Variants in RBFOX1 observed in about 807,000 individuals in gnomAD.
RBFOX1 encodes the protein RNA binding fox-1 homolog 1.
A neutral mutation model predicts 57.7 loss-of-function variants in RBFOX1; 8 were observed. The ratio of observed to expected loss-of-function variants is 0.14; its 90% CI spans 0.08 to 0.25. RBFOX1 has a LOEUF of 0.25. Ranked by LOEUF, RBFOX1 falls within the 10% of genes least tolerant of loss-of-function variation. RBFOX1 has a pLI of 1.00. For missense variants in RBFOX1, 611 were observed against 548.5 expected, an observed-to-expected ratio of 1.11 and a Z score of -1.14; for synonymous variants, 326 against 222.4, an observed-to-expected ratio of 1.47 and a Z score of -4.15.
intron 3 of RBFOX1, among the ~76,000 whole-genome samples, chr16:6,727,414 G>GT (rs530822002): frequency 2.3e-3 from 354 of 151,892 alleles, no homozygotes; most frequent in African/African-American, 8.0e-3. Flanking sequence ...AATTGTTCCT[G>GT]GTTTTTTTTT....
chr16:5,898,271 G>T (rs1490464645), intron 4 of RBFOX1, among the ~76,000 whole-genome samples: 1 of 152,116 alleles, frequency 6.6e-6, no homozygotes, highest in Admixed American at 6.5e-5. Context: ...ATGACACGTG[G>T]GGTTTATGGG....
chr16:5,757,231 GTTTTTTT>G (rs562031050), intron 3 of RBFOX1, among the ~76,000 whole-genome samples: 1 of 127,050 alleles, frequency 7.9e-6, no homozygotes, highest in Non-Finnish European at 1.7e-5. Context: ...TGGTTTTTGT[GTTTTTTT>G]TTTTTTTTTT....
At chr16:6,958,458 C>A (rs1393848110) in intron 3 of RBFOX1, among the ~76,000 whole-genome samples, 1 of 152,060 alleles carries the variant, frequency 6.6e-6, no homozygotes, top group South Asian at 2.1e-4. Flanking sequence ...CTCGCAATTC[C>A]TCGGGATAAT....
At chr16:5,672,709 T>C (rs1446364296) in intron 3 of RBFOX1, among the ~76,000 whole-genome samples, 1 of 61,816 alleles carries the variant, frequency 1.6e-5, no homozygotes, top group Non-Finnish European at 4.5e-5. Flanking sequence ...GAGATAATGA[T>C]GTCAAGAGGA....
chr16:6,147,958 T>C (rs1252050725), intron 1 of RBFOX1, among the ~76,000 whole-genome samples: 1 of 152,208 alleles, frequency 6.6e-6, no homozygotes, highest in African/African-American at 2.4e-5. Context: ...TACAGCCTTC[T>C]CCTAAATTGA....
At chr16:6,452,779 G>T (rs2094663925) in intron 2 of RBFOX1, among the ~76,000 whole-genome samples, 2 of 152,128 alleles carry the variant, frequency 1.3e-5, no homozygotes, top group South Asian at 4.1e-4. Flanking sequence ...TATGTGACCT[G>T]GGTTAATAAT....
intron 4 of RBFOX1, among the ~76,000 whole-genome samples, chr16:5,937,829 A>G (rs1014568183): frequency 2.1e-4 from 31 of 150,738 alleles, no homozygotes; most frequent in African/African-American, 7.5e-4. Context: ...TGTTCATAGT[A>G]TACATACATA....
rs4786774 is a variant in RBFOX1, at chr16:5,762,347, G to T, written c.319-104956G>T. Among the ~76,000 whole-genome samples the T allele has an allele frequency of 4.5e-4, 56 of 124,852 alleles. 1 individual carries two copies. The East Asian group carries it at 0.012, about 26-fold the overall frequency. The allele number at this position is 124,852 out of a possible 152,430, so 81.9% of individuals were successfully genotyped here. On this transcript the variant is annotated intron_variant, in intron 3 of 19. Transcript: ENST00000641259. ...TCTCCTAGAAATTAAGGCAGAAAAC[G>T]AACAAAAAGAAAAAAAAAAAAAACG...
chr16:5,274,797 C>T (rs1333861919), intron 1 of RBFOX1, among the ~76,000 whole-genome samples: 1 of 152,186 alleles, frequency 6.6e-6, no homozygotes, highest in Non-Finnish European at 1.5e-5. Context: ...CTGTCTCTGG[C>T]AGAGCCAGCC....
chr16:6,186,169 T>TCC (rs1420592447), intron 1 of RBFOX1, among the ~76,000 whole-genome samples: 1 of 152,164 alleles, frequency 6.6e-6, no homozygotes, highest in African/African-American at 2.4e-5. Flanking sequence ...GCCAAAAAAA[T>TCC]CAAATGTGGT....
intron 3 of RBFOX1, among the ~76,000 whole-genome samples, chr16:6,975,272 A>T (rs948814603): frequency 1.3e-5 from 2 of 149,868 alleles, no homozygotes; most frequent in African/African-American, 2.5e-5. Context: ...TTTTTTTATT[A>T]TTTTTTTTTT....
At chr16:5,894,452 T>G (rs1468259593) in intron 4 of RBFOX1, among the ~76,000 whole-genome samples, 2 of 152,064 alleles carry the variant, frequency 1.3e-5, no homozygotes, top group East Asian at 3.9e-4. Context: ...TTTTTGTATT[T>G]TTAGTAGAGA....
chr16:5,721,469 C>T (rs2151534571), intron 3 of RBFOX1, among the ~76,000 whole-genome samples: 1 of 152,178 alleles, frequency 6.6e-6, no homozygotes, highest in South Asian at 2.1e-4. Context: ...CTTGTTCTTG[C>T]CCAATTGCCC....
chr16:5,655,027 C>T (rs1220029055), intron 3 of RBFOX1, among the ~76,000 whole-genome samples: 1 of 152,172 alleles, frequency 6.6e-6, no homozygotes, highest in Non-Finnish European at 1.5e-5. Context: ...ACGCTTCCTA[C>T]CCAGGAGTCC....
chr16:7,102,194 T>A (rs144143755), intron 4 of RBFOX1, among the ~76,000 whole-genome samples: 1 of 152,196 alleles, frequency 6.6e-6, no homozygotes, highest in East Asian at 1.9e-4. Flanking sequence ...AGCCACTGTT[T>A]GCAGGGGCAT....
At chr16:7,053,291 T>C (rs1398407126) in intron 4 of RBFOX1, among the ~76,000 whole-genome samples, 1 of 152,234 alleles carries the variant, frequency 6.6e-6, no homozygotes, top group Non-Finnish European at 1.5e-5. Flanking sequence ...TATGGCCCTC[T>C]CTACCCACTT....
chr16:6,826,050 GT>G (rs1451039055), intron 3 of RBFOX1, among the ~76,000 whole-genome samples: 2 of 151,946 alleles, frequency 1.3e-5, no homozygotes, highest in Non-Finnish European at 2.9e-5. Flanking sequence ...GGTGGTCCAC[GT>G]TCATTGCCCA....
chr16:5,919,154 GA>G (rs972668153), intron 4 of RBFOX1, among the ~76,000 whole-genome samples: 7 of 151,874 alleles, frequency 4.6e-5, no homozygotes, highest in African/African-American at 1.7e-4. Context: ...CTGATATGTA[GA>G]AAAAAAATGT....
chr16:7,572,033 A>G (rs553888144), intron 5 of RBFOX1, among the ~76,000 whole-genome samples: 2 of 152,252 alleles, frequency 1.3e-5, no homozygotes, highest in East Asian at 3.9e-4. Context: ...AGGCTGAGGC[A>G]GGAGAATCGC....
Sources: gnomAD v4.1 joint callset for allele counts (sites outside exome capture counted in the v4.1 genomes callset) on GRCh38, gnomAD v4.1.1 for gene constraint, MANE v1.5 for transcripts, NCBI Gene and HGNC (gene_info 2026-07-23, HGNC 2026-07-21) for gene names.